Variants in MALRD1 observed in about 807,000 individuals in gnomAD.
MALRD1 encodes the protein MAM and LDL-receptor class A domain-containing protein 1.
MALRD1 carries 247 observed loss-of-function variants against 242.1 expected under a neutral mutation model. The ratio of observed to expected loss-of-function variants is 1.02; its 90% confidence interval spans 0.92 to 1.13. The LOEUF is 1.13. Among genes scored for constraint, MALRD1 ranks in the 50% most tolerant of loss-of-function variants. MALRD1 has a pLI of 0.00. For synonymous variants in MALRD1, 995 were observed against 866.6 expected (o/e 1.15, Z -2.60); for missense variants, 2,989 against 2,533.1 (o/e 1.18, Z -3.86).
intron 22 of MALRD1, 114 bp from the exon 23 acceptor site, chr10:19,327,449 G>T (rs1843180360): frequency 4.3e-6 from 3 of 693,876 alleles, no homozygotes; most frequent in African/African-American, 1.8e-5. Flanking sequence ...TTCTCTCCAG[G>T]ACTTCATGTT....
At chr10:19,224,625 C>T (rs1588722236) in intron 18 of MALRD1, among the ~76,000 whole-genome samples, 1 of 152,132 alleles carries the variant, frequency 6.6e-6, no homozygotes, top group Non-Finnish European at 1.5e-5. Context: ...TTATTGGCCG[C>T]ATAAATGTCT....
At chr10:19,427,200 T>C (rs552066957) in intron 28 of MALRD1, among the ~76,000 whole-genome samples, 68 of 152,344 alleles carry the variant, frequency 4.5e-4, no homozygotes, top group African/African-American at 1.5e-3. Flanking sequence ...TTTGTAAATG[T>C]CTTACCATTT....
At chr10:19,331,337 A>G (rs563528632) in intron 23 of MALRD1, 32 bp from the exon 24 acceptor site, 1 of 1,515,566 alleles carries the variant, frequency 6.6e-7, no homozygotes, top group East Asian at 2.5e-5. Context: ...TTCTTGATTG[A>G]CAGTTTAACT....
rs192806737 is a variant in MALRD1, at chr10:19,328,826, C to A, written c.3687+1153C>A. 6.2e-4 allele frequency among the ~76,000 whole-genome samples: 95 copies of A among 152,194 alleles called. 1 individual carries two copies. The highest frequency in any genetic ancestry group is 2.0e-3 in the African/African-American group (83 of 41,532). On this transcript the variant is annotated intron_variant, in intron 23 of 39. Transcript: ENST00000454679. ...ACTGAATATCAGTTTCATAGCCTTG[C>A]GCAACATGAAACTTTTTATTAGAGG...
At position 19,629,189 on chromosome 10, in the gene MALRD1, A is replaced by T. The variant is rs141923474; in HGVS notation, c.6137+13266A>T. On this transcript the variant is annotated intron_variant, in intron 36 of 39. Coordinates refer to ENST00000454679, the MANE Select transcript of MALRD1 (RefSeq NM_001142308.3). ...CTATTAAATGGTTTTTAGGCTCCTG[A>T]TGATAGCTGTAAGCATTCACAGTTG... 3.3e-3 allele frequency among the ~76,000 whole-genome samples: 505 copies of T among 152,302 alleles called. 5 individuals carry two copies. The highest frequency in any genetic ancestry group is 0.012 in the African/African-American group (485 of 41,568).
At chr10:19,282,615 C>T (rs1840872452) in intron 20 of MALRD1, among the ~76,000 whole-genome samples, 1 of 152,042 alleles carries the variant, frequency 6.6e-6, no homozygotes. Context: ...TTATTGGAAA[C>T]CTCGTTGCTT....
rs967065310 is a variant in MALRD1, at chr10:19,625,644, G to T, written c.6137+9721G>T. Among the ~76,000 whole-genome samples the T allele has an allele frequency of 5.9e-5, 9 of 152,248 alleles. 1 individual carries two copies. Among genetic ancestry groups the T allele is most frequent in the Admixed American group, 5.9e-4 (9 of 15,280 alleles). On this transcript the variant is annotated intron_variant, in intron 36 of 39. Transcript: ENST00000454679. ...TCTCTCTAAGGCCGAAGATGAAAAT[G>T]TACATTTGTTTAAAACTCACCTTCT...
At chr10:19,674,970 A>G (rs1169551596) in intron 36 of MALRD1, among the ~76,000 whole-genome samples, 1 of 151,510 alleles carries the variant, frequency 6.6e-6, no homozygotes, top group Admixed American at 6.6e-5. Flanking sequence ...ATTTTTTTAA[A>G]AAAACTTTTT....
rs186606155 is a variant in MALRD1 at position 19,168,719 on chromosome 10, T to C, written c.1830+2909T>C. ...GTTAGATTCTGTGATTTGGCTGCAA[T>C]GGATGTGTGAGGGTTTCTAACCCAG... On this transcript the variant is annotated intron_variant, in intron 13 of 39. Transcript: ENST00000454679. 2.4e-3 allele frequency among the ~76,000 whole-genome samples: 370 copies of C among 152,272 alleles called. 1 individual carries two copies. The highest frequency in any genetic ancestry group is 8.3e-3 in the African/African-American group (343 of 41,560).
intron 1 of MALRD1, among the ~76,000 whole-genome samples, chr10:19,058,734 A>G (rs893546232): frequency 6.6e-6 from 1 of 152,126 alleles, no homozygotes; most frequent in Admixed American, 6.5e-5. Context: ...TCAAACACAC[A>G]AAAAGAGAAA....
intron 12 of MALRD1, among the ~76,000 whole-genome samples, chr10:19,155,795 T>A (rs1834121787): frequency 6.6e-6 from 1 of 152,184 alleles, no homozygotes; most frequent in Admixed American, 6.6e-5. Context: ...CATACACGAT[T>A]ATATGGAATA....
chr10:19,054,563 C>T (rs759456946), intron 1 of MALRD1, among the ~76,000 whole-genome samples: 3 of 152,148 alleles, frequency 2.0e-5, no homozygotes, highest in African/African-American at 2.4e-5. Context: ...CCATTATTGC[C>T]GCCTATACCC....
rs544695939 is a variant in MALRD1 at position 19,501,026 on chromosome 10, A to G, written c.5320+2380A>G. 3.3e-5 allele frequency among the ~76,000 whole-genome samples: 5 copies of G among 152,290 alleles called. No homozygotes were observed. In the East Asian group the frequency reaches 9.7e-4, roughly 29 times the overall value. ...AAAAGAAAGGAATGGAGTACATAGG[A>G]GTGTGACAGCCAGTAGATAGGTATG... On this transcript the variant is annotated intron_variant, in intron 31 of 39. Transcript: ENST00000454679.
At chr10:19,233,352 A>C (rs1838164699) in intron 18 of MALRD1, among the ~76,000 whole-genome samples, 2 of 152,112 alleles carry the variant, frequency 1.3e-5, no homozygotes, top group South Asian at 4.1e-4. Context: ...AAATACAAAA[A>C]TTAGCCAGGT....
chr10:19,286,961 G>T (rs997247096), intron 21 of MALRD1, among the ~76,000 whole-genome samples: 8 of 151,318 alleles, frequency 5.3e-5, no homozygotes, highest in African/African-American at 1.9e-4. Flanking sequence ...ACATCAAAAA[G>T]CTTATCCACC....
intron 32 of MALRD1, among the ~76,000 whole-genome samples, chr10:19,539,898 GCGCGCGCGCGTGCGCGCACACA>G (rs1304455579): frequency 2.1e-5 from 1 of 47,134 alleles, no homozygotes. Flanking sequence ...GTGTGTGTGT[GCGCGCGCGCGTGCGCGCACACA>G]CGCGCAGTGA....
intron 29 of MALRD1, among the ~76,000 whole-genome samples, chr10:19,471,203 T>G (rs4748588): frequency 6.6e-6 from 1 of 151,848 alleles, no homozygotes; most frequent in African/African-American, 2.4e-5. Context: ...TTTTTCATTA[T>G]GTATTCTTGG....
At chr10:19,674,223 A>G (rs78622842) in intron 36 of MALRD1, among the ~76,000 whole-genome samples, 1 of 152,340 alleles carries the variant, frequency 6.6e-6, no homozygotes, top group East Asian at 1.9e-4. Context: ...CCTCATCTCC[A>G]GTGAGTAAGT....
At chr10:19,675,085 C>G (rs1322228616) in intron 36 of MALRD1, among the ~76,000 whole-genome samples, 2 of 152,078 alleles carry the variant, frequency 1.3e-5, no homozygotes, top group Non-Finnish European at 2.9e-5. Flanking sequence ...GTAATTAAAG[C>G]TATTTCTACT....
Sources: gnomAD v4.1 joint callset for allele counts (sites outside exome capture counted in the v4.1 genomes callset) on GRCh38, gnomAD v4.1.1 for gene constraint, MANE v1.5 for transcripts, NCBI Gene and HGNC (gene_info 2026-07-23, HGNC 2026-07-21) for gene names.